PPA2: variants seen among roughly 807,000 people sequenced by gnomAD.
PPA2 encodes inorganic pyrophosphatase 2.
In PPA2, 48 loss-of-function variants were observed where a neutral mutation model predicts 49.5. The ratio of observed to expected loss-of-function variants is 0.97; its 90% CI spans 0.77 to 1.23. The LOEUF (loss-of-function observed/expected upper bound fraction) is 1.23, where lower values mean the gene tolerates loss of function less well. Ranked by LOEUF, PPA2 falls within the 50% of genes most tolerant of loss-of-function variation. The pLI is 0.00. For missense variants in PPA2, 429 were observed against 410.1 expected (o/e 1.05, Z -0.40); for synonymous variants, 131 against 139.9 (o/e 0.94, Z 0.45).
intron 7 of PPA2, chr4:105,405,376 TTTC>T (rs983346780): frequency 3.4e-4 from 265 of 772,878 alleles, no homozygotes; most frequent in Non-Finnish European, 3.5e-4. Context: ...TTGTAATTAA[TTTC>T]TTATTTAACA....
intron 9 of PPA2, among the ~76,000 whole-genome samples, chr4:105,389,446 T>TAAAAAAAAAAA (rs370183473): frequency 7.7e-6 from 1 of 130,356 alleles, no homozygotes; most frequent in Non-Finnish European, 1.7e-5. Flanking sequence ...AAACGAAACT[T>TAAAAAAAAAAA]AAAAAAAAAA....
intron 1 of PPA2, among the ~76,000 whole-genome samples, chr4:105,464,167 CA>C (rs1053247815): frequency 2.1e-4 from 32 of 152,206 alleles, no homozygotes; most frequent in African/African-American, 6.3e-4. Context: ...TGCCCAAGAC[CA>C]CAGGAACCCA....
At position 105,405,658 on chromosome 4, in the gene PPA2, C is replaced by T. The variant is rs954148185; in HGVS notation, c.656-6494G>A. The stretch of plus-strand genomic sequence containing the variant: ...CATTCTGCTTCGGAAAAAACAGAGA[C>T]CTTTTGACAGGAGGGGCACTAAATT... On this transcript the variant is annotated intron_variant, in intron 7 of 11. Transcript: ENST00000341695. 3.9e-6 allele frequency: 4 copies of T among 1,013,014 alleles called. No homozygotes were observed. In the African/African-American group the frequency reaches 5.1e-5, roughly 13 times the overall value. The allele number at this position is 1,013,014 out of a possible 1,614,324, so 62.8% of individuals were successfully genotyped here. A position where few individuals can be genotyped will look rare whatever the true frequency, so the allele number is the denominator to read the frequency against.
chr4:105,473,664 C>A (rs1240468080), intron 1 of PPA2: 4 of 777,788 alleles, frequency 5.1e-6, no homozygotes, highest in African/African-American at 3.4e-5. Flanking sequence ...GGCAGCCCTG[C>A]GCCTCTGCTC....
At chr4:105,391,191 G>C (rs964511987) in intron 9 of PPA2, among the ~76,000 whole-genome samples, 1 of 152,024 alleles carries the variant, frequency 6.6e-6, no homozygotes, top group Non-Finnish European at 1.5e-5. Context: ...GCTGGTGGGG[G>C]GAGGGGAGGG....
chr4:105,377,152 T>C (rs554773382), intron 10 of PPA2, among the ~76,000 whole-genome samples: 1 of 152,126 alleles, frequency 6.6e-6, no homozygotes, highest in Non-Finnish European at 1.5e-5. Flanking sequence ...CTAGAAAAAT[T>C]AGTAAGGCTG....
intron 1 of PPA2, among the ~76,000 whole-genome samples, chr4:105,463,686 G>A (rs974790975): frequency 5.9e-5 from 9 of 152,318 alleles, no homozygotes; most frequent in African/African-American, 2.2e-4. Context: ...AGCCTAGGGA[G>A]TTGGTGCCTT....
intron 9 of PPA2, among the ~76,000 whole-genome samples, chr4:105,395,973 T>C (rs1560611052): frequency 6.6e-6 from 1 of 152,174 alleles, no homozygotes; most frequent in African/African-American, 2.4e-5. Flanking sequence ...TAGATTTACA[T>C]GCTGAAAAAT....
chr4:105,452,546 T>C (rs893222165), intron 3 of PPA2, among the ~76,000 whole-genome samples: 1 of 151,826 alleles, frequency 6.6e-6, no homozygotes, highest in African/African-American at 2.4e-5. Context: ...GTGTAGATGG[T>C]TCAAGAATCA....
chr4:105,393,485 AAATAATAAT>A (rs57790851), intron 9 of PPA2, among the ~76,000 whole-genome samples: 17,259 of 132,638 alleles, frequency 0.13, 1,132 homozygotes, highest in Non-Finnish European at 0.14. Context: ...CACTGTCTCA[AAATAATAAT>A]AATAATAATA....
At chr4:105,415,701 G>A (rs1353398875) in intron 7 of PPA2, among the ~76,000 whole-genome samples, 1 of 152,224 alleles carries the variant, frequency 6.6e-6, no homozygotes, top group Non-Finnish European at 1.5e-5. Flanking sequence ...CTGTAGCCCG[G>A]TGGAGTGTGC....
intron 9 of PPA2, among the ~76,000 whole-genome samples, chr4:105,393,475 CACT>C (rs550662380): frequency 8.9e-4 from 125 of 140,218 alleles, no homozygotes; most frequent in Middle Eastern, 3.6e-3. Context: ...CAGAGCAAGA[CACT>C]GTCTCAAAAT....
intron 7 of PPA2, among the ~76,000 whole-genome samples, chr4:105,408,442 C>T (rs111270433): frequency 6.6e-6 from 1 of 151,982 alleles, no homozygotes; most frequent in Non-Finnish European, 1.5e-5. Flanking sequence ...GTCTGGTAAA[C>T]AGTGTGGGAG....
At chr4:105,388,576 G>T (rs1027137558) in intron 9 of PPA2, among the ~76,000 whole-genome samples, 3 of 152,142 alleles carry the variant, frequency 2.0e-5, no homozygotes, top group Admixed American at 2.0e-4. Context: ...AGTAATCCCA[G>T]CACTTTGGGA....
intron 6 of PPA2, among the ~76,000 whole-genome samples, chr4:105,432,271 T>C (rs1167700897): frequency 6.6e-6 from 1 of 152,168 alleles, no homozygotes; most frequent in Non-Finnish European, 1.5e-5. Context: ...GTTTATTCTA[T>C]AATGAACAAA....
At chr4:105,435,238 T>C (rs3898404) in intron 6 of PPA2, among the ~76,000 whole-genome samples, 28,110 of 152,166 alleles carry the variant, frequency 0.18, 3,027 homozygotes, top group African/African-American at 0.29. Flanking sequence ...GAGAACTATT[T>C]TTTAGATGGT....
At chr4:105,405,433 T>A in intron 7 of PPA2, 1 of 830,760 alleles carries the variant, frequency 1.2e-6, no homozygotes, top group Non-Finnish European at 1.5e-6. Flanking sequence ...ACAATTTAGT[T>A]CTTATAAATT....
At chr4:105,381,243 C>A (rs1023463549) in intron 10 of PPA2, among the ~76,000 whole-genome samples, 1 of 151,826 alleles carries the variant, frequency 6.6e-6, no homozygotes, top group Non-Finnish European at 1.5e-5. Context: ...TTATCTTTTT[C>A]TTGTGAGTTT....
chr4:105,392,561 T>C (rs1269426481), intron 9 of PPA2, among the ~76,000 whole-genome samples: 1 of 151,702 alleles, frequency 6.6e-6, no homozygotes, highest in Non-Finnish European at 1.5e-5. Context: ...TAATCCTAGC[T>C]ACTTGGGAGG....
Sources: allele counts gnomAD v4.1 joint callset (sites outside exome capture counted in the v4.1 genomes callset), GRCh38; gene constraint gnomAD v4.1.1; transcripts MANE v1.5; gene names NCBI Gene and HGNC (gene_info 2026-07-23, HGNC 2026-07-21).